Variants in POU6F2 observed in about 807,000 individuals in gnomAD.
POU6F2 encodes POU domain, class 6, transcription factor 2.
In POU6F2, 31 loss-of-function variants were observed where a neutral mutation model predicts 71.3. That is an observed-to-expected ratio of 0.43 (90% CI 0.33 to 0.59). POU6F2 has a LOEUF of 0.59. Ranked by LOEUF, POU6F2 falls within the 20% of genes least tolerant of loss-of-function variation. The pLI, the probability that POU6F2 is intolerant of heterozygous loss-of-function variation, is 0.04. For synonymous variants in POU6F2, 347 were observed against 355.7 expected, an observed-to-expected ratio of 0.98 and a Z score of 0.27; for missense variants, 783 against 856.8, an observed-to-expected ratio of 0.91 and a Z score of 1.07.
At chr7:39,090,878 T>C (rs1186861380) in intron 2 of POU6F2, among the ~76,000 whole-genome samples, 1 of 152,160 alleles carries the variant, frequency 6.6e-6, no homozygotes, top group African/African-American at 2.4e-5. Flanking sequence ...GTGAGATGCA[T>C]AAGGTATTTG....
chr7:39,298,050 C>T (rs1784885670), intron 4 of POU6F2, among the ~76,000 whole-genome samples: 3 of 152,108 alleles, frequency 2.0e-5, no homozygotes, highest in African/African-American at 7.2e-5. Flanking sequence ...AAACCCAAAA[C>T]CATAAAAACC....
chr7:39,072,434 G>A (rs1299868941), intron 1 of POU6F2, among the ~76,000 whole-genome samples: 3 of 152,132 alleles, frequency 2.0e-5, no homozygotes, highest in African/African-American at 7.2e-5. Context: ...TTAGCAAGTG[G>A]ATATGGGATA....
At chr7:39,300,300 G>T (rs547447901) in intron 4 of POU6F2, among the ~76,000 whole-genome samples, 169 of 152,352 alleles carry the variant, frequency 1.1e-3, no homozygotes, top group African/African-American at 4.0e-3. Context: ...TGGAAACCAT[G>T]CAGATAATCA....
At chr7:39,277,720 G>C (rs1428991747) in intron 4 of POU6F2, among the ~76,000 whole-genome samples, 1 of 152,030 alleles carries the variant, frequency 6.6e-6, no homozygotes, top group Non-Finnish European at 1.5e-5. Flanking sequence ...AGTGGTTAGG[G>C]GGAAATTTTC....
rs531942673 is a variant in POU6F2, at chr7:39,416,814, T to TAAAAAAA, written c.1113+10080_1113+10086dup. On this transcript the variant is annotated intron_variant, in intron 6 of 9. Coordinates refer to ENST00000518318, the MANE Select transcript of POU6F2 (RefSeq NM_001370959.1). ...CCTAATTTCAAAAATGTTAAAAATG[T>TAAAAAAA]AAAAAAAAAAAAGAAGTTATCATTG... 1.8e-3 allele frequency among the ~76,000 whole-genome samples: 256 copies of TAAAAAAA among 142,486 alleles called. 2 individuals carry two copies. Among genetic ancestry groups the TAAAAAAA allele is most frequent in the African/African-American group, 6.0e-3 (232 of 38,944 alleles). 93.5% of individuals were successfully genotyped at this position (142,486 alleles called of 152,430 possible).
chr7:39,031,658 ATAT>A (rs976672936), intron 1 of POU6F2, among the ~76,000 whole-genome samples: 2 of 152,218 alleles, frequency 1.3e-5, no homozygotes, highest in African/African-American at 4.8e-5. Context: ...CAAAGTGGGC[ATAT>A]TATTTGACAA....
intron 5 of POU6F2, among the ~76,000 whole-genome samples, chr7:39,405,205 T>G (rs1787397101): frequency 6.6e-6 from 1 of 152,182 alleles, no homozygotes; most frequent in African/African-American, 2.4e-5. Flanking sequence ...GAAAAAATAG[T>G]TATTAAATTC....
At chr7:39,461,530 C>T (rs1214172458) in intron 9 of POU6F2, among the ~76,000 whole-genome samples, 1 of 152,208 alleles carries the variant, frequency 6.6e-6, no homozygotes, top group Admixed American at 6.5e-5. Flanking sequence ...AAGAAACCAA[C>T]TCTAAACTCA....
At chr7:39,444,139 A>G (rs1049554752) in intron 7 of POU6F2, among the ~76,000 whole-genome samples, 2 of 152,234 alleles carry the variant, frequency 1.3e-5, no homozygotes, top group African/African-American at 2.4e-5. Context: ...ATTCTTTCCA[A>G]TGATGAGAGA....
chr7:39,160,809 A>T (rs993647944), intron 2 of POU6F2, among the ~76,000 whole-genome samples: 11 of 152,172 alleles, frequency 7.2e-5, no homozygotes, highest in African/African-American at 2.7e-4. Flanking sequence ...GGACTCTTAA[A>T]GGAGTGCCCA....
chr7:39,108,596 ATT>A (rs1791741258), intron 2 of POU6F2, among the ~76,000 whole-genome samples: 1 of 152,096 alleles, frequency 6.6e-6, no homozygotes, highest in African/African-American at 2.4e-5. Context: ...CCCAGGGAAT[ATT>A]TCCTAGAGAT....
chr7:39,434,462 A>G (rs999345776), intron 7 of POU6F2, among the ~76,000 whole-genome samples: 2 of 151,982 alleles, frequency 1.3e-5, no homozygotes, highest in Non-Finnish European at 2.9e-5. Flanking sequence ...AAATGAGTTA[A>G]TATATATATG....
At position 39,464,383 on chromosome 7, in the gene POU6F2, A is replaced by G; in HGVS notation, c.1860A>G (p.Ala620=). ...WMAEAEARHR[A]GMQNLTEFIG... Reference sequence around the variant, plus strand: ...CTGAGGCTGAGGCCCGCCATCGAGCAGGTATGCAGAACCTGACCGAGTTTA... The same window carrying G: ...CTGAGGCTGAGGCCCGCCATCGAGCGGGTATGCAGAACCTGACCGAGTTTA... The change falls in exon 10 of 10, where the codon GCA becomes GCG. Residue 620 remains alanine (A), a synonymous_variant. Transcript: ENST00000518318. The surrounding 1 kb of genome is among the most constrained non-coding windows in gnomAD (Gnocchi z 4.1). 6.2e-7 allele frequency: 1 copy of G among 1,614,068 alleles called. No homozygotes were observed. The highest frequency in any genetic ancestry group is 8.5e-7 in the Non-Finnish European group (1 of 1,179,900).
intron 1 of POU6F2, among the ~76,000 whole-genome samples, chr7:39,082,834 AC>A (rs1791154433): frequency 6.6e-6 from 1 of 150,676 alleles, no homozygotes; most frequent in Non-Finnish European, 1.5e-5. Context: ...ACACACACAC[AC>A]AAATATATAT....
chr7:39,427,485 G>A (rs1583594582), intron 6 of POU6F2, among the ~76,000 whole-genome samples: 3 of 152,002 alleles, frequency 2.0e-5, no homozygotes, highest in East Asian at 3.9e-4. Context: ...CAGTTTTCAC[G>A]CAAATTATTC....
intron 4 of POU6F2, among the ~76,000 whole-genome samples, chr7:39,225,289 G>A (rs539264840): frequency 2.6e-5 from 4 of 152,018 alleles, no homozygotes; most frequent in Non-Finnish European, 4.4e-5. Context: ...AAAATAATAA[G>A]CTTTTAATTA....
intron 1 of POU6F2, among the ~76,000 whole-genome samples, chr7:39,023,679 A>G (rs1388788949): frequency 1.3e-5 from 2 of 152,128 alleles, no homozygotes; most frequent in Non-Finnish European, 2.9e-5. Flanking sequence ...AAGCATTTCC[A>G]TCTAATTTAT....
intron 2 of POU6F2, among the ~76,000 whole-genome samples, chr7:39,188,618 C>T (rs1793594668): frequency 6.6e-6 from 1 of 152,166 alleles, no homozygotes; most frequent in African/African-American, 2.4e-5. Context: ...GGGCCAGAAT[C>T]TGATTTTTAG....
Position 39,207,383 on chromosome 7 carries a change from T to C in POU6F2, c.370-9T>C. On this transcript the variant is annotated splice_polypyrimidine_tract_variant and intron_variant, in intron 3 of 9. Coordinates refer to ENST00000518318, the MANE Select transcript of POU6F2 (RefSeq NM_001370959.1). ...GGAAAGTGAGCTAGCTGTATCTGTT[T>C]CCTTGCAGCCACTTCTGACGGCACA... 6.2e-7 allele frequency: 1 copy of C among 1,612,988 alleles called. No individual in the cohort carries two copies. Among genetic ancestry groups the C allele is most frequent in the South Asian group, 1.1e-5 (1 of 91,050 alleles).
Sources: allele counts gnomAD v4.1 joint callset (sites outside exome capture counted in the v4.1 genomes callset), GRCh38; gene constraint gnomAD v4.1.1; non-coding constraint Gnocchi (gnomAD v3.1); transcripts MANE v1.5; gene names NCBI Gene and HGNC (gene_info 2026-07-23, HGNC 2026-07-21).